The following METTL8 variants were observed in gnomAD, a reference collection of about 807,000 sequenced individuals.
The protein encoded by METTL8 is tRNA N(3)-cytidine methyltransferase METTL8, mitochondrial.
A neutral mutation model predicts 48.7 loss-of-function variants in METTL8; 32 were observed. The ratio of observed to expected loss-of-function variants is 0.66; its 90% CI spans 0.50 to 0.88. The LOEUF (loss-of-function observed/expected upper bound fraction) is 0.88, where lower values mean the gene tolerates loss of function less well. Ranked by LOEUF, METTL8 falls within the 40% of genes least tolerant of loss-of-function variation. The probability of loss-of-function intolerance (pLI) is 0.00; values close to 1 mark genes in which losing one functional copy is unlikely to be tolerated. For synonymous variants in METTL8, 136 were observed against 157.1 expected, an observed-to-expected ratio of 0.87 and a Z score of 1.01; for missense variants, 464 against 474.4, an observed-to-expected ratio of 0.98 and a Z score of 0.20.
chr2:171,365,444 G>A (rs1018755155), intron 2 of METTL8, among the ~76,000 whole-genome samples: 7 of 152,132 alleles, frequency 4.6e-5, no homozygotes, highest in African/African-American at 1.7e-4. Flanking sequence ...AGAACGAAGA[G>A]CTTGTAAACC....
At chr2:171,416,227 C>G (rs1691301838) in intron 1 of METTL8, among the ~76,000 whole-genome samples, 1 of 152,194 alleles carries the variant, frequency 6.6e-6, no homozygotes, top group Non-Finnish European at 1.5e-5. Context: ...GCTGCTGAAG[C>G]TGGAGTCAGC....
intron 3 of METTL8, among the ~76,000 whole-genome samples, chr2:171,344,534 T>C (rs1687082708): frequency 6.6e-6 from 1 of 152,236 alleles, no homozygotes. Flanking sequence ...TAATGCTGAT[T>C]GGAGTTACCC....
At chr2:171,426,350 TATGA>T (rs1030152637) in intron 1 of METTL8, among the ~76,000 whole-genome samples, 3 of 152,158 alleles carry the variant, frequency 2.0e-5, no homozygotes, top group Non-Finnish European at 4.4e-5. Context: ...ACATATATAA[TATGA>T]ATGATGTTCA....
Position 171,353,486 on chromosome 2 carries a change from A to G in METTL8, c.235+6936T>C, listed in dbSNP as rs878910658. On this transcript the variant is annotated intron_variant, in intron 3 of 9. Coordinates refer to ENST00000375258, the MANE Select transcript of METTL8 (RefSeq NM_001321154.2). ...AGTTCTGTAGATGTCTATTAGGTCC[A>G]CTTGCTGCAGAGCTGAGTTCAATTT... Among the ~76,000 whole-genome samples the G allele has an allele frequency of 7.9e-5, 12 of 152,276 alleles. No individual in the cohort carries two copies. In the East Asian group the frequency reaches 1.3e-3, roughly 17 times the overall value.
intron 1 of METTL8, among the ~76,000 whole-genome samples, chr2:171,429,876 C>T (rs1692808344): frequency 6.6e-6 from 1 of 151,886 alleles, no homozygotes; most frequent in South Asian, 2.1e-4. Flanking sequence ...CCCATCTCTA[C>T]TAAAAATACA....
At chr2:171,378,849 C>T (rs1687234833) in intron 2 of METTL8, among the ~76,000 whole-genome samples, 1 of 152,084 alleles carries the variant, frequency 6.6e-6, no homozygotes, top group Non-Finnish European at 1.5e-5. Context: ...GACAGATCAA[C>T]AAGACAGAAA....
At chr2:171,372,716 G>A (rs571402644) in intron 2 of METTL8, among the ~76,000 whole-genome samples, 2 of 152,138 alleles carry the variant, frequency 1.3e-5, no homozygotes, top group Admixed American at 6.5e-5. Context: ...TCCTACCTAT[G>A]AGTGAGAACA....
chr2:171,434,563 C>T (rs1693657842), upstream of METTL8: 1 of 1,525,442 alleles, frequency 6.6e-7, no homozygotes. Context: ...TACCCAGGGC[C>T]CGGCCCGCGC....
chr2:171,380,141 C>CA (rs1314793075), intron 2 of METTL8, among the ~76,000 whole-genome samples: 2 of 152,168 alleles, frequency 1.3e-5, no homozygotes, highest in African/African-American at 4.8e-5. Context: ...GAACCAATGA[C>CA]AAAAACCACA....
chr2:171,334,945 C>T (rs549567107), intron 5 of METTL8, among the ~76,000 whole-genome samples: 3 of 152,144 alleles, frequency 2.0e-5, no homozygotes, highest in African/African-American at 7.2e-5. Context: ...AAAAAGTGGT[C>T]GGAGAGACAA....
At chr2:171,366,031 AG>A (rs916755711) in intron 2 of METTL8, among the ~76,000 whole-genome samples, 1 of 152,154 alleles carries the variant, frequency 6.6e-6, no homozygotes, top group African/African-American at 2.4e-5. Flanking sequence ...AGGATACTAA[AG>A]GGGAGATGGA....
intron 1 of METTL8, among the ~76,000 whole-genome samples, chr2:171,401,843 A>G (rs1210658960): frequency 7.0e-6 from 1 of 143,088 alleles, no homozygotes; most frequent in Admixed American, 7.1e-5. Flanking sequence ...TCTATCTCTG[A>G]CTTCTTGCTA....
At chr2:171,339,093 C>A in intron 4 of METTL8, 91 bp downstream of exon 4, 1 of 1,178,096 alleles carries the variant, frequency 8.5e-7, no homozygotes. Context: ...AGTTTTCCAC[C>A]AAAAAAAATC....
chr2:171,390,179 T>C (rs1240625795), intron 2 of METTL8, among the ~76,000 whole-genome samples: 2 of 152,142 alleles, frequency 1.3e-5, no homozygotes, highest in African/African-American at 4.8e-5. Flanking sequence ...TATAGCATGG[T>C]TTACTGAATG....
intron 2 of METTL8, among the ~76,000 whole-genome samples, chr2:171,380,050 C>T (rs890340005): frequency 6.6e-5 from 10 of 152,162 alleles, no homozygotes; most frequent in East Asian, 1.9e-4. Context: ...AGCTTATCCA[C>T]CAATCAACTT....
intron 1 of METTL8, among the ~76,000 whole-genome samples, chr2:171,405,529 G>A (rs1023016849): frequency 1.3e-5 from 2 of 152,328 alleles, no homozygotes; most frequent in Non-Finnish European, 1.5e-5. Flanking sequence ...AGGAGGTAAT[G>A]AATGTAGATG....
At chr2:171,392,822 C>A (rs1224437742) in intron 1 of METTL8, among the ~76,000 whole-genome samples, 1 of 151,900 alleles carries the variant, frequency 6.6e-6, no homozygotes, top group East Asian at 1.9e-4. Context: ...CTTTGCCAGG[C>A]ATGGTGGCTC....
intron 1 of METTL8, among the ~76,000 whole-genome samples, chr2:171,429,616 TAAA>T: frequency 1.3e-5 from 2 of 152,256 alleles, no homozygotes; most frequent in South Asian, 4.1e-4. Context: ...ATAAAAAAAT[TAAA>T]AAGACAAAAA....
intron 1 of METTL8, among the ~76,000 whole-genome samples, chr2:171,399,703 TA>T (rs1165040236): frequency 1.3e-5 from 2 of 152,254 alleles, no homozygotes; most frequent in Non-Finnish European, 2.9e-5. Flanking sequence ...AGGTAAAATG[TA>T]TGTAATGCAC....
Sources: gnomAD v4.1 joint callset for allele counts (sites outside exome capture counted in the v4.1 genomes callset) on GRCh38, gnomAD v4.1.1 for gene constraint, MANE v1.5 for transcripts, NCBI Gene and HGNC (gene_info 2026-07-23, HGNC 2026-07-21) for gene names.